MYBPC1: variants seen among roughly 807,000 people sequenced by gnomAD.
The protein encoded by MYBPC1 is myosin binding protein C1, also known as myosin-binding protein C, slow-type.
MYBPC1 carries 52 observed loss-of-function variants against 147.1 expected under a neutral mutation model. That is an observed-to-expected ratio of 0.35 (90% CI 0.28 to 0.45). The LOEUF (loss-of-function observed/expected upper bound fraction) is 0.45, where lower values mean the gene tolerates loss of function less well. Ranked by LOEUF, MYBPC1 falls within the 20% of genes least tolerant of loss-of-function variation. The pLI, the probability that MYBPC1 is intolerant of heterozygous loss-of-function variation, is 1.00. For missense variants in MYBPC1, 1,228 were observed against 1,440.3 expected, an observed-to-expected ratio of 0.85 and a Z score of 2.39; for synonymous variants, 477 against 475.9, an observed-to-expected ratio of 1.00 and a Z score of -0.03.
chr12:101,619,526 A>G (rs1478070711), intron 3 of MYBPC1, among the ~76,000 whole-genome samples: 1 of 152,226 alleles, frequency 6.6e-6, no homozygotes, highest in African/African-American at 2.4e-5. Flanking sequence ...TTGAATTTCC[A>G]TGCTGGCTTA....
chr12:101,640,236 T>C (rs927204517), intron 10 of MYBPC1, among the ~76,000 whole-genome samples: 7 of 152,150 alleles, frequency 4.6e-5, no homozygotes, highest in African/African-American at 1.7e-4. Flanking sequence ...GGTCTCGAAC[T>C]CCTGAGCCCA....
intron 3 of MYBPC1, among the ~76,000 whole-genome samples, chr12:101,618,075 C>T (rs1886542467): frequency 6.6e-6 from 1 of 152,156 alleles, no homozygotes; most frequent in South Asian, 2.1e-4. Context: ...ATAACTATTT[C>T]CTGACTGCAA....
chr12:101,646,665 T>C, intron 12 of MYBPC1, 98 bp from the exon 13 acceptor site: 1 of 1,410,474 alleles, frequency 7.1e-7, no homozygotes, highest in African/African-American at 1.4e-5. Context: ...TCCTTGACTT[T>C]CAAACACTAC....
intron 23 of MYBPC1, chr12:101,669,936 AAAAG>A (rs746349009): frequency 0.036 from 10,458 of 288,836 alleles, 62 homozygotes; most frequent in Non-Finnish European, 0.048. Context: ...CTGAAAAAAA[AAAAG>A]AAAAAAAAAA....
rs574112489 is a variant in MYBPC1, at chr12:101,607,200, T to C, written c.26-7296T>C. 1.9e-3 allele frequency among the ~76,000 whole-genome samples: 296 copies of C among 152,342 alleles called. 4 individuals are homozygous for C. Among genetic ancestry groups the C allele is most frequent in the African/African-American group, 6.9e-3 (287 of 41,578 alleles). On this transcript the variant is annotated intron_variant, in intron 1 of 31. Transcript: ENST00000361466. Reference sequence around the variant, plus strand: ...CCCATGAAAGCAATATTTTATGCTATGGGAGCTTCCATTGTGCTCGTGTCT... The same window carrying C: ...CCCATGAAAGCAATATTTTATGCTACGGGAGCTTCCATTGTGCTCGTGTCT...
At chr12:101,642,647 C>T in intron 11 of MYBPC1, 62 bp downstream of exon 11, 1 of 1,539,820 alleles carries the variant, frequency 6.5e-7, no homozygotes, top group Non-Finnish European at 8.8e-7. Context: ...AAGCCTTGAC[C>T]GTGAACCCCA....
intron 22 of MYBPC1, chr12:101,664,666 G>A (rs187358878): frequency 3.3e-5 from 5 of 152,278 alleles, no homozygotes; most frequent in African/African-American, 9.6e-5. Flanking sequence ...CCTCTGTTCT[G>A]GAGGGAGGAA....
chr12:101,692,950 T>C, the MYBPC1 span, among the ~76,000 whole-genome samples: 1 of 149,110 alleles, frequency 6.7e-6, no homozygotes, highest in Non-Finnish European at 1.5e-5. Flanking sequence ...ACCTTCACTT[T>C]TTTTTTTTTT....
chr12:101,678,297 A>T, intron 28 of MYBPC1, 59 bp downstream of exon 28: 1 of 1,598,384 alleles, frequency 6.3e-7, no homozygotes, highest in Non-Finnish European at 8.6e-7. Context: ...TTGTGTTATA[A>T]TGTAAGTAAC....
At chr12:101,653,755 G>T (rs1015072142) in intron 18 of MYBPC1, among the ~76,000 whole-genome samples, 1 of 152,180 alleles carries the variant, frequency 6.6e-6, no homozygotes, top group Non-Finnish European at 1.5e-5. Flanking sequence ...AGCCTGATGT[G>T]TTGGAGGAAC....
At chr12:101,628,682 G>T (rs533141704) in intron 5 of MYBPC1, among the ~76,000 whole-genome samples, 55 of 152,226 alleles carry the variant, frequency 3.6e-4, no homozygotes, top group Non-Finnish European at 6.9e-4. Context: ...TCCTAGAATT[G>T]GAATTGACTG....
At chr12:101,656,635 C>CTG (rs1348349681) in intron 18 of MYBPC1, among the ~76,000 whole-genome samples, 3 of 152,106 alleles carry the variant, frequency 2.0e-5, no homozygotes, top group African/African-American at 4.8e-5. Context: ...TGGGTCAATA[C>CTG]TCCAAGAAAG....
intron 16 of MYBPC1, among the ~76,000 whole-genome samples, chr12:101,652,011 G>A (rs1159192128): frequency 1.3e-5 from 2 of 152,160 alleles, no homozygotes; most frequent in Non-Finnish European, 2.9e-5. Flanking sequence ...TGGATTAACC[G>A]TCTCTAACCA....
intron 1 of MYBPC1, among the ~76,000 whole-genome samples, chr12:101,595,309 G>C (rs1004282778): frequency 6.6e-6 from 1 of 152,108 alleles, no homozygotes; most frequent in Non-Finnish European, 1.5e-5. Flanking sequence ...TTTCTAAAGG[G>C]ATATTGACTA....
rs1415418094 is a variant in MYBPC1, at chr12:101,653,239, G to A, written c.1758G>A (p.Arg586=). 9 of 1,613,790 alleles carry A rather than the reference G, an allele frequency of 5.6e-6. No individual in the cohort carries two copies. The highest frequency in any genetic ancestry group is 2.5e-6 in the Non-Finnish European group (3 of 1,180,028). ...CACCTCCTAAAGCCATGTGGAGCCG[G>A]GGAGATAAGGTTTGTTTTATGCTTG... is the stretch of plus-strand genomic sequence containing the variant. The part of the protein sequence containing the change: ...GEPPPKAMWS[R]GDKAIMEGSG... The change falls in exon 18 of 32, where the codon CGG becomes CGA. Residue 586 remains arginine (R), a synonymous_variant. Transcript: ENST00000361466.
chr12:101,648,056 A>G lies in MYBPC1; in HGVS notation c.1102A>G (p.Met368Val). The change falls in exon 14 of 32, where the codon ATG becomes GTG. Residue 368 changes from methionine (M) to valine (V), a missense_variant. Transcript: ENST00000361466. Reference sequence around the variant, plus strand: ...TTTTTGTATACTAGAGCCTCCAATTATGGTGACCAAACAGCTGGAAGATAC... The same window carrying G: ...TTTTTGTATACTAGAGCCTCCAATTGTGGTGACCAAACAGCTGGAAGATAC... ...TELFVREPPIMVTKQLEDTTA... is the reference protein window; with the variant it reads ...TELFVREPPIVVTKQLEDTTA... 6.2e-7 allele frequency: 1 copy of G among 1,611,126 alleles called. No homozygotes were observed. The highest frequency in any genetic ancestry group is 8.5e-7 in the Non-Finnish European group (1 of 1,177,414).
intron 2 of MYBPC1, among the ~76,000 whole-genome samples, chr12:101,615,238 A>T (rs1447107414): frequency 6.6e-6 from 1 of 152,226 alleles, no homozygotes; most frequent in African/African-American, 2.4e-5. Flanking sequence ...TTGAAAGCTC[A>T]ATGTGGCTTA....
chr12:101,624,517 T>G (rs1227743832), intron 3 of MYBPC1, among the ~76,000 whole-genome samples: 1 of 152,036 alleles, frequency 6.6e-6, no homozygotes, highest in Non-Finnish European at 1.5e-5. Context: ...AGTCAGGGTC[T>G]TGCTGTGTCA....
In MYBPC1 at chr12:101,607,620, TTCTG is replaced by T. The variant is rs1308673949; in HGVS notation, c.26-6872_26-6869del. 3.9e-5 allele frequency among the ~76,000 whole-genome samples: 6 copies of T among 152,334 alleles called. No homozygotes were observed. In the East Asian group the frequency reaches 9.6e-4, roughly 24 times the overall value. ...TAATGATAACTGTTATTGTGTCTTC[TTCTG>T]TCTTTTTTATGCCTATATAATATAT... On this transcript the variant is annotated intron_variant, in intron 1 of 31. Transcript: ENST00000361466.
Sources: gnomAD v4.1 joint callset for allele counts (sites outside exome capture counted in the v4.1 genomes callset) on GRCh38, gnomAD v4.1.1 for gene constraint, MANE v1.5 for transcripts, NCBI Gene and HGNC (gene_info 2026-07-23, HGNC 2026-07-21) for gene names.